CADPS: variants seen among roughly 807,000 people sequenced by gnomAD.
The protein encoded by CADPS is calcium-dependent secretion activator 1.
In CADPS, 57 loss-of-function variants were observed where a neutral mutation model predicts 167.3. The ratio of observed to expected loss-of-function variants is 0.34; its 90% confidence interval spans 0.28 to 0.42. The LOEUF is 0.42. Ranked by LOEUF, CADPS falls within the 20% of genes least tolerant of loss-of-function variation. CADPS has a pLI of 1.00. For synonymous variants in CADPS, 676 were observed against 635.3 expected (o/e 1.06, Z -0.96); for missense variants, 1,414 against 1,738.1 (o/e 0.81, Z 3.32).
chr3:62,627,143 TG>T (rs2149596601), intron 6 of CADPS, among the ~76,000 whole-genome samples: 1 of 117,504 alleles, frequency 8.5e-6, no homozygotes, highest in African/African-American at 2.9e-5. Flanking sequence ...TGTGTGTGTG[TG>T]TGTGTGTGTG....
chr3:62,429,793 C>T (rs960489682), intron 28 of CADPS, among the ~76,000 whole-genome samples: 2 of 152,114 alleles, frequency 1.3e-5, no homozygotes, highest in Admixed American at 1.3e-4. Flanking sequence ...CGTAACAGAG[C>T]AATCAGCTTG....
intron 3 of CADPS, among the ~76,000 whole-genome samples, chr3:62,693,040 A>G (rs35958357): frequency 0.72 from 108,868 of 151,194 alleles, 39,582 homozygotes; most frequent in East Asian, 0.95. Flanking sequence ...TTTCTTGGCC[A>G]TCAAGTTTTT....
intron 28 of CADPS, among the ~76,000 whole-genome samples, chr3:62,427,503 T>C (rs79480790): frequency 1.8e-3 from 275 of 152,304 alleles, no homozygotes; most frequent in African/African-American, 6.4e-3. Context: ...CATCCTTTAC[T>C]GTAGGGGCTG....
intron 1 of CADPS, among the ~76,000 whole-genome samples, chr3:62,791,093 A>G (rs2092901164): frequency 6.6e-6 from 1 of 152,160 alleles, no homozygotes. Flanking sequence ...AGGACAAAAC[A>G]AGAGGGGAGA....
chr3:62,794,792 A>AAAAAAAAAAAAG (rs1559654139), intron 1 of CADPS, among the ~76,000 whole-genome samples: 13 of 147,526 alleles, frequency 8.8e-5, no homozygotes, highest in African/African-American at 3.2e-4. Flanking sequence ...AAAAAAAAAA[A>AAAAAAAAAAAAG]AAAAAAAAAA....
chr3:62,709,759 AT>A (rs11305646), intron 3 of CADPS, among the ~76,000 whole-genome samples: 12,704 of 151,724 alleles, frequency 0.084, 641 homozygotes, highest in South Asian at 0.16. Flanking sequence ...TTTTATTTTT[AT>A]TTTATTTATG....
chr3:62,685,744 C>T (rs2077898576), intron 3 of CADPS, among the ~76,000 whole-genome samples: 1 of 151,714 alleles, frequency 6.6e-6, no homozygotes, highest in African/African-American at 2.4e-5. Flanking sequence ...CACCTCACAT[C>T]ATCAGGCATT....
chr3:62,625,788 G>A (rs1339102971), intron 6 of CADPS: 2 of 150,856 alleles, frequency 1.3e-5, no homozygotes, highest in African/African-American at 2.5e-5. Flanking sequence ...CCATTTTCAA[G>A]AGCCATCTTC....
intron 3 of CADPS, among the ~76,000 whole-genome samples, chr3:62,734,746 A>G (rs2078644744): frequency 6.6e-6 from 1 of 152,216 alleles, no homozygotes; most frequent in South Asian, 2.1e-4. Context: ...CTTTAGAAAT[A>G]AAACTGCTAC....
chr3:62,866,823 A>G (rs1374779815), intron 1 of CADPS, among the ~76,000 whole-genome samples: 7 of 152,124 alleles, frequency 4.6e-5, no homozygotes, highest in South Asian at 2.1e-4. Context: ...TTCTCTTACA[A>G]TGCTTAATAA....
chr3:62,473,827 T>C (rs982499858), intron 24 of CADPS: 1 of 177,382 alleles, frequency 5.6e-6, no homozygotes, highest in African/African-American at 2.4e-5. Context: ...AGTGATAAAA[T>C]GCACTTCAAA....
intron 20 of CADPS, among the ~76,000 whole-genome samples, chr3:62,491,908 T>A (rs987956275): frequency 7.2e-5 from 11 of 152,214 alleles, no homozygotes; most frequent in Admixed American, 5.9e-4. Flanking sequence ...GTTGTCACTA[T>A]AACATACTCT....
chr3:62,598,158 C>T (rs759580524), intron 6 of CADPS, among the ~76,000 whole-genome samples: 1 of 152,078 alleles, frequency 6.6e-6, no homozygotes, highest in Non-Finnish European at 1.5e-5. Context: ...TTCGAGATGG[C>T]AACAAAAGAG....
intron 1 of CADPS, among the ~76,000 whole-genome samples, chr3:62,861,888 G>T (rs896167328): frequency 2.0e-5 from 3 of 152,148 alleles, no homozygotes; most frequent in Non-Finnish European, 4.4e-5. Context: ...TCTAAAGAGA[G>T]TTGAAAGTAT....
rs570466848 is a variant in CADPS, at chr3:62,488,524, C to T, written c.3026+2815G>A. ...ATTATTATTTTTTAATAGGGACTCA[C>T]TCTGTCACCCCAGGCTGGAGTACAG... On this transcript the variant is annotated intron_variant, in intron 21 of 29. Coordinates refer to ENST00000383710, the MANE Select transcript of CADPS (RefSeq NM_003716.4). Among the ~76,000 whole-genome samples, 8 of 152,022 alleles carry T rather than the reference C, an allele frequency of 5.3e-5. No homozygotes were observed. The South Asian group carries it at 1.7e-3, about 32-fold the overall frequency.
chr3:62,846,429 C>T (rs2077443703), intron 1 of CADPS, among the ~76,000 whole-genome samples: 1 of 152,150 alleles, frequency 6.6e-6, no homozygotes, highest in African/African-American at 2.4e-5. Context: ...TTCTTTAGGG[C>T]TTGCAAATGG....
chr3:62,419,651 T>C (rs1001414337), intron 28 of CADPS, among the ~76,000 whole-genome samples: 3 of 152,166 alleles, frequency 2.0e-5, no homozygotes, highest in South Asian at 4.1e-4. Flanking sequence ...TGAATTCAGA[T>C]TGTTCACGAA....
intron 14 of CADPS, 91 bp downstream of exon 14, chr3:62,518,058 G>T: frequency 1.2e-6 from 1 of 818,708 alleles, no homozygotes. Flanking sequence ...TGTATCCTCT[G>T]GTAGATTTAC....
At chr3:62,729,836 C>T (rs764352633) in intron 3 of CADPS, among the ~76,000 whole-genome samples, 6 of 151,718 alleles carry the variant, frequency 4.0e-5, no homozygotes, top group Non-Finnish European at 7.4e-5. Flanking sequence ...ATTAGTGCTG[C>T]CTGCCAAGTA....
Sources: allele counts gnomAD v4.1 joint callset (sites outside exome capture counted in the v4.1 genomes callset), GRCh38; gene constraint gnomAD v4.1.1; transcripts MANE v1.5; gene names NCBI Gene and HGNC (gene_info 2026-07-23, HGNC 2026-07-21).